Variants in LAMB1 observed in about 807,000 individuals in gnomAD.
The protein encoded by LAMB1 is laminin subunit beta 1.
LAMB1 carries 121 observed loss-of-function variants against 222.3 expected under a neutral mutation model. That is an observed-to-expected ratio of 0.54 (90% CI 0.47 to 0.63). The LOEUF is 0.63. Ranked by LOEUF, LAMB1 falls within the 30% of genes least tolerant of loss-of-function variation. The probability of loss-of-function intolerance (pLI) is 0.00; values close to 1 mark genes in which losing one functional copy is unlikely to be tolerated. For missense variants in LAMB1, 2,172 were observed against 2,240.8 expected, an observed-to-expected ratio of 0.97 and a Z score of 0.62; for synonymous variants, 794 against 807.2, an observed-to-expected ratio of 0.98 and a Z score of 0.28.
chr7:107,981,521 G>A (rs1330168729), intron 7 of LAMB1, among the ~76,000 whole-genome samples: 4 of 152,224 alleles, frequency 2.6e-5, no homozygotes, highest in South Asian at 4.1e-4. Context: ...GTTGAGGCAG[G>A]AGAGTTGCCT....
intron 24 of LAMB1, among the ~76,000 whole-genome samples, chr7:107,946,139 C>T (rs145736271): frequency 3.5e-4 from 54 of 152,308 alleles, no homozygotes; most frequent in African/African-American, 1.3e-3. Context: ...GGGTTTTCTT[C>T]TGCCGTGGAC....
At chr7:108,001,881 G>C in intron 2 of LAMB1, 148 bp from the exon 3 acceptor site, 3 of 1,483,394 alleles carry the variant, frequency 2.0e-6, no homozygotes, top group East Asian at 5.0e-5. Flanking sequence ...ACAATGGAGA[G>C]ATGAGCGCAG....
At chr7:107,950,994 T>C (rs1184961165) in intron 24 of LAMB1, 3 of 428,640 alleles carry the variant, frequency 7.0e-6, no homozygotes, top group African/African-American at 2.0e-5. Flanking sequence ...TACCCCAGGG[T>C]GTGAGGCCGG....
At position 107,973,007 on chromosome 7, in the gene LAMB1, C is replaced by T. The variant is rs1349361789; in HGVS notation, c.1547G>A (p.Gly516Glu). 5 of 1,613,446 alleles carry T rather than the reference C, an allele frequency of 3.1e-6. No individual in the cohort carries two copies. Among genetic ancestry groups the T allele is most frequent in the African/African-American group, 1.3e-5 (1 of 74,902 alleles). Residue 516 changes from glycine (G) to glutamate (E), a missense_variant, in exon 13 of 34, where the codon GGA becomes GAA. Physicochemically the swap from Gly to Glu is moderately conservative, Grantham distance 98. Coordinates refer to ENST00000222399, the MANE Select transcript of LAMB1 (RefSeq NM_002291.3). ...GCRPCDCDLGGALNNSCFAES... is the reference protein window; with the variant it reads ...GCRPCDCDLGEALNNSCFAES... The stretch of plus-strand genomic sequence containing the variant: ...CTCCATTTACCTGTTGTTTAAGGCT[C>T]CCCCAAGGTCACAGTCACATGGTCG...
chr7:107,974,954 C>G, intron 12 of LAMB1, 32 bp downstream of exon 12: 1 of 1,233,768 alleles, frequency 8.1e-7, no homozygotes, highest in Non-Finnish European at 1.2e-6. Context: ...TCCTCACCAA[C>G]CACCCATCCC....
chr7:107,960,000 T>A (rs2150427592), intron 18 of LAMB1, among the ~76,000 whole-genome samples, 166 bp from the exon 19 acceptor site: 1 of 152,316 alleles, frequency 6.6e-6, no homozygotes, highest in South Asian at 2.1e-4. Context: ...AGTTGGCAGA[T>A]CAAAACAGTT....
At chr7:107,947,175 C>T (rs896791110) in intron 24 of LAMB1, among the ~76,000 whole-genome samples, 4 of 152,152 alleles carry the variant, frequency 2.6e-5, no homozygotes, top group African/African-American at 4.8e-5. Flanking sequence ...AGCCCCAACC[C>T]GCCTGGACAA....
At chr7:107,977,487 A>G (rs373767127) in intron 9 of LAMB1, among the ~76,000 whole-genome samples, 2 of 152,260 alleles carry the variant, frequency 1.3e-5, no homozygotes, top group East Asian at 1.9e-4. Context: ...TCTCACGGTC[A>G]TCTTGCCTTA....
chr7:107,954,116 A>T (rs2033323172), intron 21 of LAMB1, among the ~76,000 whole-genome samples: 1 of 152,096 alleles, frequency 6.6e-6, no homozygotes, highest in Non-Finnish European at 1.5e-5. Context: ...GAGCAAACTA[A>T]CAATGTAAAG....
In LAMB1 at chr7:108,002,661, C is replaced by T. The variant is rs73726674; in HGVS notation, c.37+188G>A. Reference sequence around the variant, plus strand: ...GAGCCCGGGGGATGAGGGTCCGCGGCGCTCCGCGTGCGCTGTCTCCAGCCA... The same window carrying T: ...GAGCCCGGGGGATGAGGGTCCGCGGTGCTCCGCGTGCGCTGTCTCCAGCCA... On this transcript the variant is annotated intron_variant, in intron 2 of 33. Coordinates refer to ENST00000222399, the MANE Select transcript of LAMB1 (RefSeq NM_002291.3). 0.048 allele frequency among the ~76,000 whole-genome samples: 7,348 copies of T among 152,278 alleles called. 590 individuals carry two copies. Among genetic ancestry groups the T allele is most frequent in the African/African-American group, 0.17 (6,860 of 41,546 alleles).
chr7:107,953,840 C>A (rs2033315777), intron 21 of LAMB1, 86 bp from the exon 22 acceptor site: 2 of 1,157,590 alleles, frequency 1.7e-6, no homozygotes, highest in Non-Finnish European at 2.6e-6. Context: ...CTAGAGAGAG[C>A]TGATCGTGGC....
intron 5 of LAMB1, among the ~76,000 whole-genome samples, chr7:107,990,459 G>GA (rs890421185): frequency 1.3e-5 from 2 of 152,142 alleles, no homozygotes; most frequent in East Asian, 3.9e-4. Flanking sequence ...GAACTTGGGG[G>GA]AAAAAAATCA....
Position 107,931,434 on chromosome 7 carries a change from T to C in LAMB1, c.4459A>G (p.Asn1487Asp), listed in dbSNP as rs377625057. Residue 1487 changes from asparagine (N) to aspartate (D), a missense_variant, in exon 29 of 34, where the codon AAT (asparagine) becomes GAT (aspartate). By Grantham distance (23) the Asn-to-Asp change is conservative. Coordinates refer to ENST00000222399, the MANE Select transcript of LAMB1 (RefSeq NM_002291.3). ...QSAEDILLKT[N>D]ATKEKMDKSN... ...TTGTCCATTTTTTCTTTGGTAGCAT[T>C]TGTCTTCAACAGAATGTCTTCAGCA... is the stretch of plus-strand genomic sequence containing the variant. 1.6e-5 allele frequency: 26 copies of C among 1,613,736 alleles called. No individual in the cohort carries two copies. Among genetic ancestry groups the C allele is most frequent in the Non-Finnish European group, 2.0e-5 (24 of 1,179,816 alleles).
Position 107,994,964 on chromosome 7 carries a change from CAGG to C in LAMB1, c.350-7_350-5del, listed in dbSNP as rs755112093. 47 of 1,531,694 alleles carry C rather than the reference CAGG, an allele frequency of 3.1e-5. No individual in the cohort carries two copies. In the African/African-American group the frequency reaches 5.6e-4, roughly 18 times the overall value. The allele number at this position is 1,531,694 out of a possible 1,614,324, so 94.9% of individuals were successfully genotyped here. On this transcript the variant is annotated splice_polypyrimidine_tract_variant and splice_region_variant and intron_variant, in intron 4 of 33. Transcript: ENST00000222399. ...TGGATAGTTACATTTTCCACACCTACAGGAGATTTAAAAAAAATAAAACAATAA... is the reference window on the plus strand; with the variant it reads ...TGGATAGTTACATTTTCCACACCTACAGATTTAAAAAAAATAAAACAATAA...
intron 15 of LAMB1, among the ~76,000 whole-genome samples, chr7:107,962,664 A>G (rs560174351): frequency 6.6e-6 from 1 of 150,394 alleles, no homozygotes; most frequent in African/African-American, 2.4e-5. Flanking sequence ...CAGTGAGCCG[A>G]GATGGCACCA....
chr7:107,983,047 T>C (rs1232620714), intron 7 of LAMB1, among the ~76,000 whole-genome samples: 1 of 152,198 alleles, frequency 6.6e-6, no homozygotes, highest in Non-Finnish European at 1.5e-5. Context: ...TTTTCATAAC[T>C]GCATTTTGAG....
chr7:107,957,207 T>C lies in LAMB1; in HGVS notation c.2691-1577A>G, dbSNP rs1474344082. On this transcript the variant is annotated intron_variant, in intron 20 of 33. Transcript: ENST00000222399. ...GAGTTTGAGACCAGCCTGGCCAACA[T>C]GGTGAAACCCCATCTCCCTTAAAAA... Among the ~76,000 whole-genome samples, 4 of 152,088 alleles carry C rather than the reference T, an allele frequency of 2.6e-5. No individual in the cohort carries two copies. The East Asian group carries it at 5.8e-4, about 22-fold the overall frequency.
At chr7:107,966,308 TC>T (rs1336970242) in intron 13 of LAMB1, among the ~76,000 whole-genome samples, 1 of 151,870 alleles carries the variant, frequency 6.6e-6, no homozygotes, top group Non-Finnish European at 1.5e-5. Context: ...CCTCTTGGGT[TC>T]AAGCGATTCT....
At chr7:107,999,868 T>A (rs1056141065) in intron 3 of LAMB1, 1 of 151,296 alleles carries the variant, frequency 6.6e-6, no homozygotes, top group Non-Finnish European at 1.5e-5. Flanking sequence ...AGAGCCAGCT[T>A]CACACTCAGG....
Sources: gnomAD v4.1 joint callset for allele counts (sites outside exome capture counted in the v4.1 genomes callset) on GRCh38, gnomAD v4.1.1 for gene constraint, MANE v1.5 for transcripts, NCBI Gene and HGNC (gene_info 2026-07-23, HGNC 2026-07-21) for gene names.